Variants in DOCK2 observed in about 807,000 individuals in gnomAD.
DOCK2 encodes the protein dedicator of cytokinesis 2, also known as dedicator of cytokinesis protein 2.
DOCK2 carries 87 observed loss-of-function variants against 248.9 expected under a neutral mutation model. That is an observed-to-expected ratio of 0.35 (90% CI 0.29 to 0.42). DOCK2 has a LOEUF of 0.42. Ranked by LOEUF, DOCK2 falls within the 10% of genes least tolerant of loss-of-function variation. The pLI is 1.00. For missense variants in DOCK2, 1,747 were observed against 2,300.2 expected, an observed-to-expected ratio of 0.76 and a Z score of 4.92; for synonymous variants, 805 against 821.6, an observed-to-expected ratio of 0.98 and a Z score of 0.35.
Position 169,803,168 on chromosome 5 carries a change from C to T in DOCK2, c.2665C>T (p.Leu889Phe). ...VLERKYCVEL[L>F]NSILEVLSYQ... ...GGAGAGGAAGTACTGCGTTGAATTG[C>T]TCAACAGCATCTTGGAAGTCCTTAG... Residue 889 changes from leucine to phenylalanine, a missense_variant, in exon 26 of 52, where the codon CTC becomes TTC. By Grantham distance (22) the Leu-to-Phe change is conservative. Around this residue, in one of 4 missense-constraint regions of DOCK2, gnomAD observed 858 missense variants for 1,183.5 expected, o/e 0.72. Transcript: ENST00000520908. 2.5e-6 allele frequency: 4 copies of T among 1,614,080 alleles called. No individual in the cohort carries two copies. The highest frequency in any genetic ancestry group is 1.3e-5 in the African/African-American group (1 of 75,036).
Position 170,067,890 on chromosome 5 carries a change from A to G in DOCK2, c.4644+204A>G, listed in dbSNP as rs144697191. On this transcript the variant is annotated intron_variant, in intron 45 of 51. Transcript: ENST00000520908. ...CTGTCTTCCTCCCAGCCTCTTTTCC[A>G]TACCCTGTGCTGGGGCAGGGAGGGG... Among the ~76,000 whole-genome samples the G allele has an allele frequency of 3.7e-4, 57 of 152,184 alleles. 1 individual carries two copies. The East Asian group carries it at 0.01, about 27-fold the overall frequency.
intron 41 of DOCK2, 108 bp downstream of exon 41, chr5:170,050,505 G>T: frequency 7.5e-7 from 1 of 1,330,818 alleles, no homozygotes; most frequent in South Asian, 1.5e-5. Context: ...CAGAATCATT[G>T]CAGTGGCGCC....
chr5:169,813,932 G>A (rs1767908709), intron 26 of DOCK2, among the ~76,000 whole-genome samples: 2 of 152,194 alleles, frequency 1.3e-5, no homozygotes, highest in South Asian at 4.1e-4. Flanking sequence ...CAGGGAGATT[G>A]TCGTCTTTCA....
chr5:169,766,121 A>C (rs1292411875), intron 25 of DOCK2, among the ~76,000 whole-genome samples: 1 of 152,082 alleles, frequency 6.6e-6, no homozygotes, highest in Non-Finnish European at 1.5e-5. Context: ...GGTTTGTTAC[A>C]TGAATTGATT....
At chr5:170,063,352 T>G (rs11134605) in intron 44 of DOCK2, among the ~76,000 whole-genome samples, 37,088 of 152,094 alleles carry the variant, frequency 0.24, 5,126 homozygotes, top group African/African-American at 0.36. Context: ...GCATATGCAA[T>G]TCTCCCCAGA....
chr5:170,055,201 G>A (rs2113856802), intron 41 of DOCK2, 104 bp from the exon 42 acceptor site: 1 of 1,052,118 alleles, frequency 9.5e-7, no homozygotes, highest in South Asian at 1.3e-5. Context: ...CAGTAAAAAT[G>A]TGGCCCCATA....
chr5:169,712,073 TG>T, intron 16 of DOCK2, 46 bp from the exon 17 acceptor site: 3 of 1,613,650 alleles, frequency 1.9e-6, no homozygotes, highest in Non-Finnish European at 2.5e-6. Flanking sequence ...AAGAGCTGGG[TG>T]GCCCATGTAT....
At chr5:169,827,420 A>C (rs1008350772) in intron 26 of DOCK2, among the ~76,000 whole-genome samples, 1 of 152,214 alleles carries the variant, frequency 6.6e-6, no homozygotes, top group Non-Finnish European at 1.5e-5. Context: ...ATGTGCTCCC[A>C]GGAATACGTG....
At chr5:169,797,041 A>G (rs1766695767) in intron 25 of DOCK2, among the ~76,000 whole-genome samples, 2 of 152,228 alleles carry the variant, frequency 1.3e-5, no homozygotes, top group South Asian at 4.1e-4. Flanking sequence ...TGGTTAGGAG[A>G]CTTGACACAG....
At chr5:169,826,693 A>G (rs1255171991) in intron 26 of DOCK2, among the ~76,000 whole-genome samples, 1 of 152,162 alleles carries the variant, frequency 6.6e-6, no homozygotes, top group African/African-American at 2.4e-5. Flanking sequence ...AGAGTTAGTT[A>G]TGTATTATTA....
At chr5:169,954,340 A>G (rs1776781581) in intron 27 of DOCK2, among the ~76,000 whole-genome samples, 1 of 152,272 alleles carries the variant, frequency 6.6e-6, no homozygotes, top group African/African-American at 2.4e-5. Flanking sequence ...CTTAACAATT[A>G]ATGATGTTTA....
chr5:169,880,071 T>C (rs11134596), intron 27 of DOCK2, among the ~76,000 whole-genome samples: 58,071 of 152,088 alleles, frequency 0.38, 11,947 homozygotes, highest in Non-Finnish European at 0.46. Flanking sequence ...TTAGAAGATA[T>C]AAAAAAAGAA....
chr5:169,855,164 G>C (rs1770822381), intron 27 of DOCK2, among the ~76,000 whole-genome samples: 1 of 152,192 alleles, frequency 6.6e-6, no homozygotes, highest in African/African-American at 2.4e-5. Flanking sequence ...CTACCTTGTG[G>C]TAATTTTTTT....
chr5:169,843,460 T>C lies in DOCK2; in HGVS notation c.2799+2608T>C, dbSNP rs1018142932. Among the ~76,000 whole-genome samples the C allele has an allele frequency of 2.6e-5, 4 of 152,332 alleles. No homozygotes were observed. In the East Asian group the frequency reaches 7.7e-4, roughly 29 times the overall value. On this transcript the variant is annotated intron_variant, in intron 27 of 51. Transcript: ENST00000520908. ...TGGCATGAACCCGGGAGGCAGAGGT[T>C]GCAGTGAACCAAGATCGCGCCACTG...
intron 14 of DOCK2, among the ~76,000 whole-genome samples, chr5:169,704,662 A>G (rs1761148884): frequency 6.6e-6 from 1 of 152,206 alleles, no homozygotes; most frequent in Admixed American, 6.5e-5. Context: ...TTTATAACAC[A>G]AAGGATAAAT....
chr5:169,854,802 T>G (rs1401217582), intron 27 of DOCK2, among the ~76,000 whole-genome samples: 1 of 152,202 alleles, frequency 6.6e-6, no homozygotes, highest in African/African-American at 2.4e-5. Context: ...AAATGACAAT[T>G]GTGTCCCCCC....
intron 40 of DOCK2, among the ~76,000 whole-genome samples, chr5:170,048,804 A>C (rs1756809082): frequency 6.6e-6 from 1 of 152,172 alleles, no homozygotes; most frequent in South Asian, 2.1e-4. Context: ...TCACGTGACG[A>C]ATTGGATTAG....
At chr5:170,050,196 C>T in intron 40 of DOCK2, 60 bp from the exon 41 acceptor site, 1 of 1,590,032 alleles carries the variant, frequency 6.3e-7, no homozygotes, top group Non-Finnish European at 8.6e-7. Context: ...CCCAGCTTTG[C>T]TTGGCCCCTT....
intron 10 of DOCK2, among the ~76,000 whole-genome samples, chr5:169,696,415 C>T (rs1392611595): frequency 6.6e-6 from 1 of 152,216 alleles, no homozygotes; most frequent in Non-Finnish European, 1.5e-5. Context: ...TGTACAGCAA[C>T]ATCAGCTCTG....
Sources: gnomAD v4.1 joint callset for allele counts (sites outside exome capture counted in the v4.1 genomes callset) on GRCh38, gnomAD v4.1.1 for gene constraint, gnomAD v4.1.1 regional missense constraint, MANE v1.5 for transcripts, NCBI Gene and HGNC (gene_info 2026-07-23, HGNC 2026-07-21) for gene names.